Variants in DACH2 observed in about 807,000 individuals in gnomAD.
DACH2 encodes the protein dachshund homolog 2.
In DACH2, 17 loss-of-function variants were observed where a neutral mutation model predicts 35.8. The observed-to-expected ratio is 0.48, with a 90% confidence interval of 0.33 to 0.71. The LOEUF is 0.71. DACH2 is among the 30% of genes least tolerant of loss of function. DACH2 has a pLI of 0.02. For missense variants in DACH2, 469 were observed against 472.7 expected (o/e 0.99, Z 0.07); for synonymous variants, 195 against 177.3 (o/e 1.10, Z -0.79).
intron 2 of DACH2, among the ~76,000 whole-genome samples, chrX:86,456,503 A>G (rs142736494): frequency 0.015 from 1,716 of 111,422 alleles, 17 homozygotes; most frequent in Middle Eastern, 0.038. Flanking sequence ...CCTTCTTTCT[A>G]TCCCTTTTAT....
At chrX:86,463,899 C>T (rs1028466677) in intron 2 of DACH2, among the ~76,000 whole-genome samples, 5 of 111,308 alleles carry the variant, frequency 4.5e-5, no homozygotes, top group African/African-American at 1.6e-4. Context: ...GACAATTATG[C>T]GGCCAACAAA....
intron 2 of DACH2, among the ~76,000 whole-genome samples, chrX:86,512,057 G>T (rs1281038635): frequency 1.8e-5 from 2 of 111,611 alleles, no homozygotes; most frequent in Non-Finnish European, 3.8e-5. Flanking sequence ...TTAACTTTTT[G>T]CTGGATCTTA....
chrX:86,517,714 G>T (rs2038491875), intron 3 of DACH2, among the ~76,000 whole-genome samples: 1 of 111,295 alleles, frequency 9.0e-6, no homozygotes, highest in African/African-American at 3.3e-5. Flanking sequence ...CACCACGCCT[G>T]ACCCTTTGCC....
rs992480223 is a variant in DACH2 at position 86,505,047 on chromosome X, C to T, written c.528-9232C>T. On this transcript the variant is annotated intron_variant, in intron 2 of 11. Transcript: ENST00000373125. Reference sequence around the variant, plus strand: ...CTTAATCCTGCCTTAGAAGTAAGGACGTCTCAAGGTGCAAATTAAGTGTGT... The same window carrying T: ...CTTAATCCTGCCTTAGAAGTAAGGATGTCTCAAGGTGCAAATTAAGTGTGT... Among the ~76,000 whole-genome samples, 6 of 111,849 alleles carry T rather than the reference C, an allele frequency of 5.4e-5. No homozygotes were observed. The South Asian group carries it at 1.1e-3, about 21-fold the overall frequency.
intron 6 of DACH2, among the ~76,000 whole-genome samples, chrX:86,725,073 T>G (rs888893203): frequency 3.6e-5 from 4 of 110,523 alleles, no homozygotes; most frequent in African/African-American, 1.3e-4. Context: ...AATTTCGCAT[T>G]TATGTCCTGA....
chrX:86,468,582 A>G (rs1056680757), intron 2 of DACH2, among the ~76,000 whole-genome samples: 1 of 111,961 alleles, frequency 8.9e-6, no homozygotes, highest in African/African-American at 3.2e-5. Context: ...TGCTAAAGAT[A>G]TAAACTCACT....
chrX:86,556,765 T>C (rs1285581585), intron 3 of DACH2, among the ~76,000 whole-genome samples: 1 of 9,191 alleles, frequency 1.1e-4, no homozygotes, highest in Non-Finnish European at 2.0e-4. Context: ...TGTATATATA[T>C]ATATATATAT....
At chrX:86,804,842 T>C (rs1031962326) in intron 7 of DACH2, among the ~76,000 whole-genome samples, 1 of 109,710 alleles carries the variant, frequency 9.1e-6, no homozygotes, top group African/African-American at 3.3e-5. Context: ...ATCCAGGGCA[T>C]ACTAGTACAA....
At chrX:86,179,504 G>C (rs1336151245) in intron 1 of DACH2, among the ~76,000 whole-genome samples, 1 of 111,970 alleles carries the variant, frequency 8.9e-6, no homozygotes, top group East Asian at 2.8e-4. Context: ...GTAATGTGTA[G>C]TAGATGAATC....
At chrX:86,483,120 C>A (rs1419696837) in intron 2 of DACH2, among the ~76,000 whole-genome samples, 1 of 103,997 alleles carries the variant, frequency 9.6e-6, no homozygotes, top group Non-Finnish European at 1.9e-5. Context: ...CACATGTACC[C>A]TAAAACTTAA....
At chrX:86,420,288 CT>C (rs2036780343) in intron 2 of DACH2, among the ~76,000 whole-genome samples, 2 of 112,035 alleles carry the variant, frequency 1.8e-5, no homozygotes. Context: ...CTCTAGGTTC[CT>C]GAAAAAGATA....
At chrX:86,221,100 G>C (rs2032699986) in intron 1 of DACH2, among the ~76,000 whole-genome samples, 1 of 111,231 alleles carries the variant, frequency 9.0e-6, no homozygotes, top group African/African-American at 3.3e-5. Flanking sequence ...TTTGTTGCCT[G>C]TGCTTTTAGT....
chrX:86,426,766 A>G (rs1044571485), intron 2 of DACH2, among the ~76,000 whole-genome samples: 1 of 111,529 alleles, frequency 9.0e-6, no homozygotes, highest in African/African-American at 3.2e-5. Context: ...AAGTTATAGA[A>G]TCTCCCAAGA....
intron 3 of DACH2, among the ~76,000 whole-genome samples, chrX:86,550,791 A>C (rs958091879): frequency 8.9e-6 from 1 of 111,968 alleles, no homozygotes; most frequent in Non-Finnish European, 1.9e-5. Flanking sequence ...ACTAAAAGTT[A>C]GACCTTTGCT....
Position 86,322,091 on chromosome X carries a change from A to C in DACH2, c.489-54733A>C, listed in dbSNP as rs138836491. 8.9e-3 allele frequency among the ~76,000 whole-genome samples: 985 copies of C among 110,807 alleles called. 4 individuals carry two copies. Among genetic ancestry groups the C allele is most frequent in the Non-Finnish European group, 0.013 (692 of 52,945 alleles). On this transcript the variant is annotated intron_variant, in intron 1 of 11. Transcript: ENST00000373125. ...CCTCCAAAACTTGCTCTTCTGACTTAGGGGAACTACTCTCCACAGACCTGC... is the reference window on the plus strand; with the variant it reads ...CCTCCAAAACTTGCTCTTCTGACTTCGGGGAACTACTCTCCACAGACCTGC...
chrX:86,774,797 C>A (rs1001357012), intron 7 of DACH2, among the ~76,000 whole-genome samples: 33 of 111,942 alleles, frequency 2.9e-4, no homozygotes, highest in African/African-American at 1.0e-3. Context: ...TGTGTGCCTG[C>A]ATGTTTGTAT....
intron 1 of DACH2, among the ~76,000 whole-genome samples, chrX:86,151,483 T>A (rs887116635): frequency 9.0e-6 from 1 of 111,236 alleles, no homozygotes; most frequent in Non-Finnish European, 1.9e-5. Context: ...ATTCTATGAA[T>A]GCAATCCATC....
chrX:86,692,871 T>G (rs749112202), intron 4 of DACH2, among the ~76,000 whole-genome samples: 1 of 112,166 alleles, frequency 8.9e-6, no homozygotes, highest in Admixed American at 9.5e-5. Flanking sequence ...TTAATCATGT[T>G]TATTGGCCTA....
intron 1 of DACH2, among the ~76,000 whole-genome samples, chrX:86,155,485 TG>T (rs1462483595): frequency 2.7e-5 from 3 of 111,161 alleles, no homozygotes; most frequent in African/African-American, 9.8e-5. Flanking sequence ...ATAACGCTAG[TG>T]AAATTTATTA....
Sources: allele counts gnomAD v4.1 joint callset (sites outside exome capture counted in the v4.1 genomes callset), GRCh38; gene constraint gnomAD v4.1.1; transcripts MANE v1.5; gene names NCBI Gene and HGNC (gene_info 2026-07-23, HGNC 2026-07-21).